Variants in MCOLN2 observed in about 807,000 individuals in gnomAD.
The protein encoded by MCOLN2 is mucolipin-2.
Under a neutral mutation model 67.5 loss-of-function variants are expected in MCOLN2, and 57 were observed. That is an observed-to-expected ratio of 0.84 (90% CI 0.68 to 1.05). MCOLN2 has a LOEUF of 1.05. Among genes scored for constraint, MCOLN2 ranks in the 50% least tolerant of loss-of-function variants. The pLI, the probability that MCOLN2 is intolerant of heterozygous loss-of-function variation, is 0.00. For synonymous variants in MCOLN2, 246 were observed against 233.3 expected, an observed-to-expected ratio of 1.05 and a Z score of -0.50; for missense variants, 620 against 678.8, an observed-to-expected ratio of 0.91 and a Z score of 0.96.
chr1:84,994,698 T>C (rs1277245002), intron 1 of MCOLN2, among the ~76,000 whole-genome samples: 1 of 152,238 alleles, frequency 6.6e-6, no homozygotes, highest in African/African-American at 2.4e-5. Flanking sequence ...TTTGATCTTC[T>C]ATCCAGACCA....
chr1:84,965,491 G>A, intron 2 of MCOLN2, 58 bp downstream of exon 2: 1 of 1,562,358 alleles, frequency 6.4e-7, no homozygotes, highest in Admixed American at 1.9e-5. Flanking sequence ...CAGAACACAT[G>A]AAAAGAGTTT....
intron 1 of MCOLN2, among the ~76,000 whole-genome samples, chr1:84,980,034 A>G (rs189484489): frequency 6.6e-6 from 1 of 152,312 alleles, no homozygotes. Flanking sequence ...TGCAAGAGTA[A>G]GCAATCTGAA....
chr1:84,931,436 A>G lies in MCOLN2; in HGVS notation c.1468T>C (p.Phe490Leu). 3.7e-6 allele frequency: 6 copies of G among 1,608,104 alleles called. No homozygotes were observed. The South Asian group carries it at 6.6e-5, about 18-fold the overall frequency. Residue 490 changes from phenylalanine (F) to leucine (L), a missense_variant, in exon 12 of 14, where the codon TTC becomes CTC. Coordinates refer to ENST00000370608, the MANE Select transcript of MCOLN2 (RefSeq NM_153259.4). The stretch of plus-strand genomic sequence containing the variant: ...ATCATATATATAAAAAGGCTGATGA[A>G]GGAATATAAATACAGACGACTGAAC... Reference protein sequence around the residue: ...WLFSRLYLYSFISLFIYMILS... With the variant: ...WLFSRLYLYSLISLFIYMILS...
At chr1:84,969,299 G>A (rs991994328) in intron 1 of MCOLN2, among the ~76,000 whole-genome samples, 2 of 152,194 alleles carry the variant, frequency 1.3e-5, no homozygotes, top group East Asian at 1.9e-4. Flanking sequence ...GGCTGGGCAC[G>A]GTGGCTCACG....
chr1:84,949,793 A>G (rs1648319152), intron 6 of MCOLN2, among the ~76,000 whole-genome samples: 1 of 152,178 alleles, frequency 6.6e-6, no homozygotes, highest in African/African-American at 2.4e-5. Context: ...AAAGAAAAAA[A>G]AAAACAACAA....
At chr1:84,993,619 CTTTTTTT>C (rs869075778) in intron 1 of MCOLN2, among the ~76,000 whole-genome samples, 1 of 118,530 alleles carries the variant, frequency 8.4e-6, no homozygotes, top group Admixed American at 8.6e-5. Flanking sequence ...TAAATAATGT[CTTTTTTT>C]TTTTTTTTTT....
At chr1:84,954,444 C>G (rs1047436569) in intron 4 of MCOLN2, among the ~76,000 whole-genome samples, 5 of 152,182 alleles carry the variant, frequency 3.3e-5, no homozygotes, top group African/African-American at 4.8e-5. Context: ...AACTCCATAC[C>G]AGACACTGTG....
intron 2 of MCOLN2, 40 bp downstream of exon 2, chr1:84,965,509 T>C (rs752068123): frequency 6.3e-7 from 1 of 1,597,288 alleles, no homozygotes; most frequent in Non-Finnish European, 8.5e-7. Context: ...TTTTGTCTTG[T>C]GGTAAGGGAA....
intron 11 of MCOLN2, among the ~76,000 whole-genome samples, chr1:84,937,159 A>T (rs1647474511): frequency 6.6e-6 from 1 of 152,238 alleles, no homozygotes; most frequent in Non-Finnish European, 1.5e-5. Context: ...TCATTTTATA[A>T]CAAGAACATC....
intron 8 of MCOLN2, among the ~76,000 whole-genome samples, chr1:84,940,422 G>C (rs1647696136): frequency 6.6e-6 from 1 of 152,052 alleles, no homozygotes; most frequent in South Asian, 2.1e-4. Flanking sequence ...GAAACTCAGG[G>C]GAGAATTTTA....
chr1:84,945,611 G>A (rs1196557165), intron 7 of MCOLN2, among the ~76,000 whole-genome samples: 1 of 152,122 alleles, frequency 6.6e-6, no homozygotes, highest in Non-Finnish European at 1.5e-5. Flanking sequence ...TGGTCAAAAG[G>A]AAAGTCATTT....
intron 2 of MCOLN2, among the ~76,000 whole-genome samples, chr1:84,962,297 G>T (rs1387024762): frequency 6.6e-6 from 1 of 152,216 alleles, no homozygotes; most frequent in Non-Finnish European, 1.5e-5. Context: ...TGTAATCCCA[G>T]CCCTTTGGGA....
intron 1 of MCOLN2, among the ~76,000 whole-genome samples, chr1:84,994,989 T>C (rs1391903523): frequency 6.6e-6 from 1 of 152,156 alleles, no homozygotes; most frequent in African/African-American, 2.4e-5. Flanking sequence ...AATTTCAATA[T>C]TGTGGTGTCT....
At chr1:84,967,170 C>T (rs1400301009) in intron 1 of MCOLN2, among the ~76,000 whole-genome samples, 4 of 152,206 alleles carry the variant, frequency 2.6e-5, no homozygotes, top group Admixed American at 6.5e-5. Flanking sequence ...CAAAGGAGAG[C>T]TTGTCAGAGA....
intron 1 of MCOLN2, among the ~76,000 whole-genome samples, chr1:84,985,120 TC>T (rs1322515337): frequency 6.6e-6 from 1 of 152,026 alleles, no homozygotes; most frequent in Non-Finnish European, 1.5e-5. Flanking sequence ...AGTAAAGCCA[TC>T]TGATGGAACG....
intron 1 of MCOLN2, among the ~76,000 whole-genome samples, chr1:84,993,490 C>T (rs932351857): frequency 1.6e-4 from 24 of 152,184 alleles, no homozygotes; most frequent in Non-Finnish European, 4.4e-5. Flanking sequence ...TCCCATGAAT[C>T]ATGAATATTC....
Position 84,931,371 on chromosome 1 carries a change from G to A in MCOLN2, c.1533C>T (p.Asp511=), listed in dbSNP as rs1349968677. 9 of 1,546,956 alleles carry A rather than the reference G, an allele frequency of 5.8e-6. No homozygotes were observed. The highest frequency in any genetic ancestry group is 8.0e-6 in the Non-Finnish European group (9 of 1,120,170). The change falls in exon 12 of 14, where the codon GAC becomes GAT. Residue 511 remains aspartate (D), a synonymous_variant. Transcript: ENST00000370608. ...LFIALITDSY[D]TIKKFQQNGF... is the part of the protein sequence containing the mutation. ...TTTGATAATTACTTACCTTAATGGT[G>A]TCATAAGAATCTGTAATAAGTGCAA...
intron 1 of MCOLN2, among the ~76,000 whole-genome samples, chr1:84,988,773 C>A (rs1650739995): frequency 6.6e-6 from 1 of 152,080 alleles, no homozygotes; most frequent in Non-Finnish European, 1.5e-5. Flanking sequence ...GAGTAAAATC[C>A]AAACCTCCTA....
chr1:84,969,037 G>A (rs1011895782), intron 1 of MCOLN2, among the ~76,000 whole-genome samples: 4 of 152,200 alleles, frequency 2.6e-5, no homozygotes, highest in African/African-American at 9.7e-5. Flanking sequence ...AAGAGGACAG[G>A]GTTGGGAGAG....
Sources: gnomAD v4.1 joint callset for allele counts (sites outside exome capture counted in the v4.1 genomes callset) on GRCh38, gnomAD v4.1.1 for gene constraint, MANE v1.5 for transcripts, NCBI Gene and HGNC (gene_info 2026-07-23, HGNC 2026-07-21) for gene names.